The following CYB5R3 variants were observed in gnomAD, a reference collection of about 807,000 sequenced individuals.
The protein encoded by CYB5R3 is NADH-cytochrome b5 reductase 3.
Under a neutral mutation model 36.5 loss-of-function variants are expected in CYB5R3, and 28 were observed. The observed-to-expected ratio is 0.77, with a 90% CI of 0.57 to 1.05. CYB5R3 has a LOEUF of 1.05. Ranked by LOEUF, CYB5R3 falls within the 50% of genes least tolerant of loss-of-function variation. The pLI, the probability that CYB5R3 is intolerant of heterozygous loss-of-function variation, is 0.00. For synonymous variants in CYB5R3, 181 were observed against 159.8 expected (o/e 1.13, Z -1.00); for missense variants, 474 against 408.9 (o/e 1.16, Z -1.37).
Position 42,644,282 on chromosome 22 carries a change from C to A in CYB5R3, c.21+5013G>T, listed in dbSNP as rs185642224. On this transcript the variant is annotated intron_variant, in intron 1 of 8. Coordinates refer to ENST00000352397, the MANE Select transcript of CYB5R3 (RefSeq NM_000398.7). ...TGAGGCCTGAGCACCTGCCCCCAGC[C>A]CCGGGGGTCCGAACCAACAGGCGGC... The A allele has an allele frequency of 4.3e-5, 28 of 655,856 alleles. No homozygotes were observed. The East Asian group carries it at 6.8e-4, about 16-fold the overall frequency. 40.6% of individuals were successfully genotyped at this position (655,856 alleles called of 1,614,324 possible).
At chr22:42,631,082 T>A in intron 3 of CYB5R3, 94 bp from the exon 4 acceptor site, 1 of 1,175,348 alleles carries the variant, frequency 8.5e-7, no homozygotes, top group South Asian at 1.3e-5. Flanking sequence ...CCACCCGGCA[T>A]TCAAAGCCTG....
At chr22:42,629,525 C>A (rs2146880725) in intron 4 of CYB5R3, among the ~76,000 whole-genome samples, 1 of 152,326 alleles carries the variant, frequency 6.6e-6, no homozygotes, top group Middle Eastern at 3.4e-3. Flanking sequence ...CAGTGTCCGT[C>A]CTCCAGCCAA....
Position 42,619,491 on chromosome 22 carries a change from T to G in CYB5R3, c.*282A>C. ...TCAGCCTTATAGTGTGTGTGGGGGG[T>G]GGACGAGGGGTCATGAGGACAGGGA... On this transcript the variant is annotated 3_prime_UTR_variant, in exon 9 of 9. Transcript: ENST00000352397. 3 of 493,744 alleles carry G rather than the reference T, an allele frequency of 6.1e-6. No homozygotes were observed. The highest frequency in any genetic ancestry group is 2.4e-5 in the South Asian group (1 of 42,382). 30.6% of individuals were successfully genotyped at this position (493,744 alleles called of 1,614,324 possible). A position where few individuals can be genotyped will look rare whatever the true frequency, so the allele number is the denominator to read the frequency against.
chr22:42,629,515 C>T (rs1928496215), intron 4 of CYB5R3, among the ~76,000 whole-genome samples: 1 of 152,208 alleles, frequency 6.6e-6, no homozygotes, highest in Non-Finnish European at 1.5e-5. Flanking sequence ...ACTATGTGTC[C>T]AGTGTCCGTC....
chr22:42,619,638 C>G lies in CYB5R3; in HGVS notation c.*135G>C. 1.2e-6 allele frequency: 1 copy of G among 823,576 alleles called. No homozygotes were observed. The highest frequency in any genetic ancestry group is 1.7e-5 in the South Asian group (1 of 59,714). The allele number at this position is 823,576 out of a possible 1,614,324, so 51.0% of individuals were successfully genotyped here. A position where few individuals can be genotyped will look rare whatever the true frequency, so the allele number is the denominator to read the frequency against. On this transcript the variant is annotated 3_prime_UTR_variant, in exon 9 of 9. Transcript: ENST00000352397. ...AAGGGGCTCCAGGGGAACTGCTCAG[C>G]CAGGTGATTCACCAGGGCACGGGCA...
chr22:42,623,864 G>A lies in CYB5R3; in HGVS notation c.658C>T (p.Pro220Ser). 1.2e-6 allele frequency: 2 copies of A among 1,614,156 alleles called. No homozygotes were observed. Among genetic ancestry groups the A allele is most frequent in the Middle Eastern group, 1.6e-4 (1 of 6,062 alleles). ...NQTEKDILLRPELEELRNKHS... is the reference protein window; with the variant it reads ...NQTEKDILLRSELEELRNKHS... The stretch of plus-strand genomic sequence containing the variant: ...TTGTTCCTGAGTTCCTCCAGCTCAG[G>A]TCGCAGCAGGATGTCCTTCTCGGTC... Residue 220 changes from proline to serine, a missense_variant, in exon 8 of 9, where the codon CCT becomes TCT. By Grantham distance (74) the Pro-to-Ser change is moderately conservative. Coordinates refer to ENST00000352397, the MANE Select transcript of CYB5R3 (RefSeq NM_000398.7).
At chr22:42,648,202 ATCCCCAAGGAGGAGACTCCAGGTCC>A (rs1305813029) in intron 1 of CYB5R3, among the ~76,000 whole-genome samples, 1 of 146,166 alleles carries the variant, frequency 6.8e-6, no homozygotes, top group African/African-American at 2.5e-5. Context: ...TTTTGCCTGG[ATCCCCAAGGAGGAGACTCCAGGTCC>A]TCCCCAAGGA....
intron 1 of CYB5R3, among the ~76,000 whole-genome samples, chr22:42,637,270 A>C (rs1355970822): frequency 1.3e-5 from 2 of 152,186 alleles, no homozygotes; most frequent in Non-Finnish European, 2.9e-5. Context: ...AGTGATGTCA[A>C]GTTCTAGCTT....
At chr22:42,640,681 C>A (rs1281214379) in intron 1 of CYB5R3, 1 of 152,210 alleles carries the variant, frequency 6.6e-6, no homozygotes, top group Non-Finnish European at 1.5e-5. Context: ...CCGGCCAGGA[C>A]CCTGAGTGGT....
intron 8 of CYB5R3, 94 bp from the exon 9 acceptor site, chr22:42,620,039 G>T: frequency 8.3e-7 from 1 of 1,202,240 alleles, no homozygotes; most frequent in Non-Finnish European, 1.2e-6. Flanking sequence ...CTTAAATGCT[G>T]AAGAATGGAG....
At chr22:42,627,741 G>A (rs1928365052) in intron 5 of CYB5R3, 53 bp from the exon 6 acceptor site, 10 of 1,270,154 alleles carry the variant, frequency 7.9e-6, no homozygotes, top group Admixed American at 6.7e-5. Context: ...ATGTGTGGTG[G>A]CTGGAGAGGC....
chr22:42,627,837 C>T, intron 5 of CYB5R3, 149 bp from the exon 6 acceptor site: 1 of 741,956 alleles, frequency 1.3e-6, no homozygotes, highest in Admixed American at 2.0e-5. Flanking sequence ...GAGGAAGGTG[C>T]AGGAGCAGTG....
chr22:42,619,241 C>T lies in CYB5R3; in HGVS notation c.*532G>A, dbSNP rs1410981594. The T allele has an allele frequency of 6.3e-6, 1 of 157,504 alleles. No homozygotes were observed. Among genetic ancestry groups the T allele is most frequent in the Non-Finnish European group, 1.4e-5 (1 of 70,884 alleles). 9.8% of individuals were successfully genotyped at this position (157,504 alleles called of 1,614,324 possible). A position where few individuals can be genotyped will look rare whatever the true frequency, so the allele number is the denominator to read the frequency against. On this transcript the variant is annotated 3_prime_UTR_variant, in exon 9 of 9. Coordinates refer to ENST00000352397, the MANE Select transcript of CYB5R3 (RefSeq NM_000398.7). ...AGCCAAGCTCCCGGCTGGCCAGGGC[C>T]CTGGGGTAGGGAGCAGTGCCCCCAA...
intron 2 of CYB5R3, among the ~76,000 whole-genome samples, chr22:42,634,630 T>TTGAC (rs1446414619): frequency 1.4e-5 from 2 of 148,144 alleles, no homozygotes; most frequent in Non-Finnish European, 3.0e-5. Flanking sequence ...TATTGATTGA[T>TTGAC]TGATTGATTG....
chr22:42,628,115 G>A (rs758042093), intron 5 of CYB5R3, 37 bp downstream of exon 5: 16 of 1,612,946 alleles, frequency 9.9e-6, no homozygotes, highest in Non-Finnish European at 1.3e-5. Flanking sequence ...AATTCTCTGA[G>A]CCTGCCGTGT....
Position 42,619,484 on chromosome 22 carries a change from TGG to T in CYB5R3, c.*287_*288del. On this transcript the variant is annotated 3_prime_UTR_variant, in exon 9 of 9. Coordinates refer to ENST00000352397, the MANE Select transcript of CYB5R3 (RefSeq NM_000398.7). ...GCAGCCCTCAGCCTTATAGTGTGTGTGGGGGGTGGACGAGGGGTCATGAGGAC... is the reference window on the plus strand; with the variant it reads ...GCAGCCCTCAGCCTTATAGTGTGTGTGGGGTGGACGAGGGGTCATGAGGAC... 6 of 479,198 alleles carry T rather than the reference TGG, an allele frequency of 1.3e-5. No individual in the cohort carries two copies. Among genetic ancestry groups the T allele is most frequent in the East Asian group, 7.5e-5 (2 of 26,732 alleles). 29.7% of individuals were successfully genotyped at this position (479,198 alleles called of 1,614,324 possible). A position where few individuals can be genotyped will look rare whatever the true frequency, so the allele number is the denominator to read the frequency against.
In CYB5R3 at chr22:42,631,517, C is replaced by T. The variant is rs1033738754; in HGVS notation, c.154-67G>A. The T allele has an allele frequency of 1.2e-5, 17 of 1,369,586 alleles. No individual in the cohort carries two copies. The African/African-American group carries it at 1.9e-4, about 15-fold the overall frequency. The allele number at this position is 1,369,586 out of a possible 1,614,324, so 84.8% of individuals were successfully genotyped here. On this transcript the variant is annotated intron_variant, in intron 2 of 8. Coordinates refer to ENST00000352397, the MANE Select transcript of CYB5R3 (RefSeq NM_000398.7). ...AGGCCTCCCAGGGCGGCTCCCAGGCCTCGGAGCCCCCATCCCATTCCTCCT... is the reference window on the plus strand; with the variant it reads ...AGGCCTCCCAGGGCGGCTCCCAGGCTTCGGAGCCCCCATCCCATTCCTCCT...
chr22:42,623,115 G>T (rs1203424055), intron 8 of CYB5R3, among the ~76,000 whole-genome samples: 1 of 152,216 alleles, frequency 6.6e-6, no homozygotes, highest in Non-Finnish European at 1.5e-5. Flanking sequence ...AATGTTTCCT[G>T]GGGAAGGCTG....
intron 1 of CYB5R3, among the ~76,000 whole-genome samples, chr22:42,645,572 A>T (rs1212860486): frequency 6.6e-6 from 1 of 152,136 alleles, no homozygotes; most frequent in East Asian, 1.9e-4. Context: ...CGCCGTGGGC[A>T]GCAGATGAGA....
Sources: gnomAD v4.1 joint callset for allele counts (sites outside exome capture counted in the v4.1 genomes callset) on GRCh38, gnomAD v4.1.1 for gene constraint, MANE v1.5 for transcripts, NCBI Gene and HGNC (gene_info 2026-07-23, HGNC 2026-07-21) for gene names.